Variants in KCND2 observed in about 807,000 individuals in gnomAD.
The protein encoded by KCND2 is A-type voltage-gated potassium channel KCND2.
A neutral mutation model predicts 54.4 loss-of-function variants in KCND2; 16 were observed. The ratio of observed to expected loss-of-function variants is 0.29; its 90% CI spans 0.20 to 0.45. The LOEUF (loss-of-function observed/expected upper bound fraction) is 0.45, where lower values mean the gene tolerates loss of function less well. Ranked by LOEUF, KCND2 falls within the 20% of genes least tolerant of loss-of-function variation. The pLI, the probability that KCND2 is intolerant of heterozygous loss-of-function variation, is 1.00. For synonymous variants in KCND2, 317 were observed against 310.7 expected (o/e 1.02, Z -0.21); for missense variants, 486 against 824.2 (o/e 0.59, Z 5.02).
At chr7:120,579,721 A>T (rs561887858) in intron 1 of KCND2, among the ~76,000 whole-genome samples, 1 of 152,120 alleles carries the variant, frequency 6.6e-6, no homozygotes, top group African/African-American at 2.4e-5. Context: ...AATCATTATT[A>T]CATTTTTATA....
chr7:120,288,588 TGATA>T (rs1799383459), intron 1 of KCND2, among the ~76,000 whole-genome samples: 1 of 152,132 alleles, frequency 6.6e-6, no homozygotes, highest in Non-Finnish European at 1.5e-5. Flanking sequence ...TGTTCTTTCT[TGATA>T]GATATATGAA....
intron 1 of KCND2, among the ~76,000 whole-genome samples, chr7:120,339,627 A>G (rs530449907): frequency 1.5e-4 from 23 of 152,074 alleles, no homozygotes; most frequent in African/African-American, 4.6e-4. Context: ...CTGAACATCT[A>G]CCAACTGTCC....
At chr7:120,588,508 A>G (rs1453928291) in intron 1 of KCND2, among the ~76,000 whole-genome samples, 2 of 151,836 alleles carry the variant, frequency 1.3e-5, no homozygotes, top group Non-Finnish European at 2.9e-5. Flanking sequence ...CTTTGAACCC[A>G]TAATCTTGAA....
At chr7:120,409,793 G>C (rs1295469735) in intron 1 of KCND2, among the ~76,000 whole-genome samples, 1 of 151,574 alleles carries the variant, frequency 6.6e-6, no homozygotes, top group Non-Finnish European at 1.5e-5. Context: ...ACAAGTTCTT[G>C]TTCTTTATCT....
intron 1 of KCND2, among the ~76,000 whole-genome samples, chr7:120,421,606 T>C (rs968059924): frequency 1.3e-5 from 2 of 152,234 alleles, no homozygotes; most frequent in Non-Finnish European, 2.9e-5. Flanking sequence ...CAAAGATTCA[T>C]AGGTGATTGT....
intron 1 of KCND2, among the ~76,000 whole-genome samples, chr7:120,547,742 T>A (rs1368815366): frequency 6.6e-6 from 1 of 152,104 alleles, no homozygotes; most frequent in Non-Finnish European, 1.5e-5. Context: ...GACTAACAGG[T>A]GCTTCCTACA....
chr7:120,274,707 G>C lies in KCND2; in HGVS notation c.75G>C (p.Gly25=). 1 of 1,613,926 alleles carries C rather than the reference G, an allele frequency of 6.2e-7. No individual in the cohort carries two copies. The highest frequency in any genetic ancestry group is 8.5e-7 in the Non-Finnish European group (1 of 1,179,990). Residue 25 remains glycine, a synonymous_variant, in exon 1 of 6, where the codon GGG becomes GGC. Coordinates refer to ENST00000331113, the MANE Select transcript of KCND2 (RefSeq NM_012281.3). ...TCGGGTGGATGCCTGTGGCCTCGGG[G>C]CCTATGCCGGCTCCCCCGAGGCAGG... The part of the protein sequence containing the change: ...AAIGWMPVAS[G]PMPAPPRQER...
intron 1 of KCND2, among the ~76,000 whole-genome samples, chr7:120,600,270 A>G (rs773867031): frequency 7.9e-5 from 12 of 151,988 alleles, no homozygotes; most frequent in Non-Finnish European, 1.8e-4. Flanking sequence ...GACAGATACC[A>G]AAAAGCTTTT....
At chr7:120,471,651 A>G (rs754607940) in intron 1 of KCND2, among the ~76,000 whole-genome samples, 1 of 152,026 alleles carries the variant, frequency 6.6e-6, no homozygotes, top group Non-Finnish European at 1.5e-5. Context: ...TCACCTCACA[A>G]TCACTGTCCT....
chr7:120,709,758 C>A (rs1366044964), intron 1 of KCND2, among the ~76,000 whole-genome samples: 1 of 152,088 alleles, frequency 6.6e-6, no homozygotes, highest in African/African-American at 2.4e-5. Flanking sequence ...CCCCCACTTA[C>A]TCCAGGCAGA....
At chr7:120,302,493 A>G (rs1799601199) in intron 1 of KCND2, among the ~76,000 whole-genome samples, 1 of 151,760 alleles carries the variant, frequency 6.6e-6, no homozygotes, top group African/African-American at 2.4e-5. Flanking sequence ...CTAGCCTCAA[A>G]CTCTTGAGCT....
At chr7:120,639,104 C>G (rs1210353915) in intron 1 of KCND2, among the ~76,000 whole-genome samples, 2 of 152,092 alleles carry the variant, frequency 1.3e-5, no homozygotes, top group African/African-American at 2.4e-5. Context: ...GCACACATAC[C>G]TTGGCATTAC....
chr7:120,624,678 G>T (rs758225724), intron 1 of KCND2, among the ~76,000 whole-genome samples: 2 of 151,986 alleles, frequency 1.3e-5, no homozygotes, highest in Non-Finnish European at 2.9e-5. Context: ...CTAATTTGGC[G>T]GCTGAGGTGG....
At chr7:120,458,760 C>A (rs1802238353) in intron 1 of KCND2, among the ~76,000 whole-genome samples, 1 of 151,976 alleles carries the variant, frequency 6.6e-6, no homozygotes, top group African/African-American at 2.4e-5. Flanking sequence ...ATTCTTTAAT[C>A]TTTTCTTTCT....
At chr7:120,740,847 T>TA (rs983963074) in intron 2 of KCND2, 3 of 456,150 alleles carry the variant, frequency 6.6e-6, no homozygotes, top group African/African-American at 2.0e-5. Flanking sequence ...CAGATGCACA[T>TA]ACAGTCGTGC....
intron 1 of KCND2, among the ~76,000 whole-genome samples, chr7:120,284,117 T>C (rs1205571715): frequency 1.3e-5 from 2 of 152,094 alleles, no homozygotes; most frequent in African/African-American, 4.8e-5. Flanking sequence ...ATGAACAAAT[T>C]GTGAAAATAG....
At chr7:120,280,715 C>G (rs1336195340) in intron 1 of KCND2, among the ~76,000 whole-genome samples, 1 of 151,854 alleles carries the variant, frequency 6.6e-6, no homozygotes, top group Non-Finnish European at 1.5e-5. Flanking sequence ...GTGGCTTGTC[C>G]ATAGTTACAT....
At chr7:120,374,562 C>A (rs1343424537) in intron 1 of KCND2, among the ~76,000 whole-genome samples, 1 of 151,728 alleles carries the variant, frequency 6.6e-6, no homozygotes, top group Non-Finnish European at 1.5e-5. Context: ...AAGTTGCCAA[C>A]CAGGTAAGCG....
At chr7:120,477,207 C>T (rs939846040) in intron 1 of KCND2, among the ~76,000 whole-genome samples, 2 of 152,174 alleles carry the variant, frequency 1.3e-5, no homozygotes, top group Non-Finnish European at 1.5e-5. Flanking sequence ...GCATTCTGAG[C>T]TTCAAATGAA....
Sources: gnomAD v4.1 joint callset for allele counts (sites outside exome capture counted in the v4.1 genomes callset) on GRCh38, gnomAD v4.1.1 for gene constraint, MANE v1.5 for transcripts, NCBI Gene and HGNC (gene_info 2026-07-23, HGNC 2026-07-21) for gene names.